The following NMUR2 variants were observed in gnomAD, a reference collection of about 807,000 sequenced individuals.
The protein encoded by NMUR2 is neuromedin-U receptor 2.
A neutral mutation model predicts 25.1 loss-of-function variants in NMUR2; 24 were observed. That is an observed-to-expected ratio of 0.96 (90% CI 0.69 to 1.34). NMUR2 has a LOEUF of 1.34. Among genes scored for constraint, NMUR2 ranks in the 40% most tolerant of loss-of-function variants. NMUR2 has a pLI of 0.00. For missense variants in NMUR2, 533 were observed against 512.8 expected, an observed-to-expected ratio of 1.04 and a Z score of -0.38; for synonymous variants, 218 against 208.1, an observed-to-expected ratio of 1.05 and a Z score of -0.41.
chr5:152,399,017 A>G (rs1353959762), intron 1 of NMUR2, among the ~76,000 whole-genome samples: 10 of 152,156 alleles, frequency 6.6e-5, no homozygotes, highest in Admixed American at 3.9e-4. Context: ...AAAGACTTTG[A>G]TGACCACTTT....
chr5:152,402,973 C>T (rs767396663), intron 1 of NMUR2, among the ~76,000 whole-genome samples: 98 of 152,274 alleles, frequency 6.4e-4, no homozygotes, highest in Non-Finnish European at 8.8e-4. Context: ...AAAGGACTAC[C>T]ATTGGGCACT....
chr5:152,397,014 T>TTTTTTG (rs1753165190), intron 2 of NMUR2, among the ~76,000 whole-genome samples: 1 of 138,040 alleles, frequency 7.2e-6, no homozygotes, highest in African/African-American at 2.8e-5. Context: ...AGCTTCATGT[T>TTTTTTG]TTTTTTTTTT....
In NMUR2 at chr5:152,405,272, T is replaced by C. The variant is rs1753342090; in HGVS notation, c.-159A>G. 2.4e-6 allele frequency: 2 copies of C among 842,346 alleles called. No homozygotes were observed. The highest frequency in any genetic ancestry group is 3.7e-5 in the South Asian group (2 of 53,338). 52.2% of individuals were successfully genotyped at this position (842,346 alleles called of 1,614,324 possible). A position where few individuals can be genotyped will look rare whatever the true frequency, so the allele number is the denominator to read the frequency against. On this transcript the variant is annotated 5_prime_UTR_variant, in exon 1 of 4. Transcript: ENST00000255262. ...CTGGGAGAGAGTGAGTGTTTCACCC[T>C]CCAGGTTAGGCTGCCTGGACCGCCG...
chr5:152,396,213 CACACACACACACT>C (rs138065567), intron 2 of NMUR2, among the ~76,000 whole-genome samples: 20,555 of 151,478 alleles, frequency 0.14, 1,771 homozygotes, highest in Non-Finnish European at 0.19. Flanking sequence ...CACACACACA[CACACACACACACT>C]TTTTTTTTTT....
chr5:152,395,433 T>C (rs945583258), intron 3 of NMUR2, 26 bp downstream of exon 3: 2 of 1,613,182 alleles, frequency 1.2e-6, no homozygotes, highest in Non-Finnish European at 1.7e-6. Flanking sequence ...ATACTAGTCA[T>C]GCACCAAATC....
rs892173866 is a variant in NMUR2 at position 152,399,590 on chromosome 5, A to G, written c.727-1446T>C. 1.6e-4 allele frequency among the ~76,000 whole-genome samples: 24 copies of G among 152,152 alleles called. 1 individual carries two copies. Among genetic ancestry groups the G allele is most frequent in the Non-Finnish European group, 1.5e-5 (1 of 68,006 alleles). On this transcript the variant is annotated intron_variant, in intron 1 of 3. Transcript: ENST00000255262. ...AAAGAAAAAATGCTTGGAGCCACCA[A>G]AGGATGACTGTGTGCAGTTTGAGGT...
intron 3 of NMUR2, among the ~76,000 whole-genome samples, 175 bp from the exon 4 acceptor site, chr5:152,392,676 C>G (rs1187546098): frequency 6.6e-6 from 1 of 152,156 alleles, no homozygotes; most frequent in Non-Finnish European, 1.5e-5. Context: ...GATCTTCCAC[C>G]TGTGCACTTA....
intron 1 of NMUR2, among the ~76,000 whole-genome samples, chr5:152,404,071 C>T (rs1297754614): frequency 6.6e-6 from 1 of 152,132 alleles, no homozygotes; most frequent in Non-Finnish European, 1.5e-5. Flanking sequence ...ATCCCATTTT[C>T]CTGGGGGTGA....
chr5:152,403,940 G>A (rs1011478596), intron 1 of NMUR2, among the ~76,000 whole-genome samples: 2 of 152,050 alleles, frequency 1.3e-5, no homozygotes, highest in African/African-American at 4.8e-5. Flanking sequence ...CTCAATGCAG[G>A]CAGTGGCCAG....
chr5:152,403,514 A>G (rs1753293229), intron 1 of NMUR2, among the ~76,000 whole-genome samples: 1 of 152,110 alleles, frequency 6.6e-6, no homozygotes, highest in South Asian at 2.1e-4. Context: ...GTTTACCACC[A>G]TAAACATAGG....
In NMUR2 at chr5:152,404,771, C is replaced by G. The variant is rs555065239; in HGVS notation, c.343G>C (p.Gly115Arg). 1.9e-6 allele frequency: 3 copies of G among 1,614,050 alleles called. No individual in the cohort carries two copies. The African/African-American group carries it at 4.0e-5, about 22-fold the overall frequency. The change falls in exon 1 of 4, where the codon GGG becomes CGG. Residue 115 changes from glycine (G) to arginine (R), a missense_variant. Gly to Arg is a moderately radical substitution (Grantham distance 125, BLOSUM62 -2). Transcript: ENST00000255262. ...GTCTTGAAGTAGCAGCCCACGGGCC[C>G]GAACAAGAAAGGGTAGTTGCGCCAC... ...EMWRNYPFLFGPVGCYFKTAL... is the reference protein window; with the variant it reads ...EMWRNYPFLFRPVGCYFKTAL...
intron 3 of NMUR2, among the ~76,000 whole-genome samples, chr5:152,393,163 T>C (rs1753092261): frequency 6.6e-6 from 1 of 152,182 alleles, no homozygotes; most frequent in Non-Finnish European, 1.5e-5. Context: ...TCAGCCCAAG[T>C]TTGGGAATCA....
rs771742270 is a variant in NMUR2 at position 152,404,913 on chromosome 5, G to A, written c.201C>T (p.Cys67=). The A allele has an allele frequency of 1.2e-6, 2 of 1,614,000 alleles. No homozygotes were observed. The highest frequency in any genetic ancestry group is 1.7e-6 in the Non-Finnish European group (2 of 1,180,012). The stretch of plus-strand genomic sequence containing the variant: ...TAGCCTGGTGCTGCAGAATCACCAG[G>A]CACACCAGGACATTGCCAATGACCC... ...VVGVIGNVLV[C]LVILQHQAMK... The change falls in exon 1 of 4, where the codon TGC becomes TGT. Residue 67 remains cysteine (C), a synonymous_variant. Transcript: ENST00000255262.
intron 3 of NMUR2, 121 bp downstream of exon 3, chr5:152,395,338 C>A: frequency 8.9e-7 from 1 of 1,128,484 alleles, no homozygotes. Context: ...AATCAAATGT[C>A]TTCATTATAG....
Position 152,392,286 on chromosome 5 carries a change from G to A in NMUR2, c.1153C>T (p.Gln385Ter). 1.2e-6 allele frequency: 2 copies of A among 1,613,916 alleles called. No individual in the cohort carries two copies. The highest frequency in any genetic ancestry group is 1.7e-6 in the Non-Finnish European group (2 of 1,179,890). The change falls in exon 4 of 4, where the codon CAG becomes TAG. Residue 385 changes from glutamine (Q) to a stop codon, truncating the protein, a stop_gained. Coordinates refer to ENST00000255262, the MANE Select transcript of NMUR2 (RefSeq NM_020167.5). LOFTEE classifies it low-confidence loss of function (END_TRUNC). ...TEDIGPQFPC[Q>*]SSMHNSHLPA... is the part of the protein sequence containing the mutation. ...AGGTGAGAGTTGTGCATGGATGACT[G>A]ACATGGGAATTGGGGACCTATATCT...
intron 1 of NMUR2, among the ~76,000 whole-genome samples, chr5:152,398,366 C>T (rs905700431): frequency 6.6e-5 from 10 of 152,142 alleles, no homozygotes; most frequent in Non-Finnish European, 1.0e-4. Context: ...AATAGTGCAA[C>T]CACTTTTCGT....
At position 152,392,400 on chromosome 5, in the gene NMUR2, T is replaced by C. The variant is rs199563960; in HGVS notation, c.1039A>G (p.Lys347Glu). 1 of 1,613,996 alleles carries C rather than the reference T, an allele frequency of 6.2e-7. No homozygotes were observed. The part of the protein sequence containing the change: ...AFQNVISSFH[K>E]QWHSQHDPQL... ...GGGTCATGCTGGGAGTGCCACTGTT[T>C]GTGGAAAGAAGAGATCACATTCTGG... The change falls in exon 4 of 4, where the codon AAA becomes GAA. Residue 347 changes from lysine to glutamate, a missense_variant. Transcript: ENST00000255262.
Position 152,403,178 on chromosome 5 carries a change from A to G in NMUR2, c.726+1210T>C, listed in dbSNP as rs184211660. Among the ~76,000 whole-genome samples the G allele has an allele frequency of 4.1e-4, 62 of 152,230 alleles. No homozygotes were observed. The Middle Eastern group carries it at 0.024, about 58-fold the overall frequency. ...TTTTAAAGGAATAATAGACTGTTAG[A>G]GCTACAGGGGACATAGATAGGATCT... On this transcript the variant is annotated intron_variant, in intron 1 of 3. Coordinates refer to ENST00000255262, the MANE Select transcript of NMUR2 (RefSeq NM_020167.5).
At chr5:152,404,353 A>G (rs1210870914) in intron 1 of NMUR2, 35 bp downstream of exon 1, 1 of 1,548,330 alleles carries the variant, frequency 6.5e-7, no homozygotes, top group Middle Eastern at 1.8e-4. Context: ...AAAAGAAGGG[A>G]TGCTGCCTCA....
Sources: allele counts gnomAD v4.1 joint callset (sites outside exome capture counted in the v4.1 genomes callset), GRCh38; gene constraint gnomAD v4.1.1; transcripts MANE v1.5; gene names NCBI Gene and HGNC (gene_info 2026-07-23, HGNC 2026-07-21).